The following SAMD8 variants were observed in gnomAD, a reference collection of about 807,000 sequenced individuals.
SAMD8 encodes sterile alpha motif domain containing 8.
SAMD8 carries 20 observed loss-of-function variants against 42.0 expected under a neutral mutation model. The ratio of observed to expected loss-of-function variants is 0.48; its 90% CI spans 0.34 to 0.69. SAMD8 has a LOEUF of 0.69. Among genes scored for constraint, SAMD8 ranks in the 30% least tolerant of loss-of-function variants. The probability of loss-of-function intolerance (pLI) is 0.01; values close to 1 mark genes in which losing one functional copy is unlikely to be tolerated. For missense variants in SAMD8, 328 were observed against 511.6 expected, an observed-to-expected ratio of 0.64 and a Z score of 3.46; for synonymous variants, 162 against 173.0, an observed-to-expected ratio of 0.94 and a Z score of 0.50.
At position 75,178,032 on chromosome 10, in the gene SAMD8, G is replaced by A. The variant is rs1044702889; in HGVS notation, c.*1340G>A. ...CATTCCATTTTAAAACAAAAACTTAGAAAAGGTGCTGGCATTCTGAGGCCT... is the reference window on the plus strand; with the variant it reads ...CATTCCATTTTAAAACAAAAACTTAAAAAAGGTGCTGGCATTCTGAGGCCT... On this transcript the variant is annotated 3_prime_UTR_variant, in exon 6 of 6. Transcript: ENST00000542569. 6.6e-6 allele frequency: 1 copy of A among 152,198 alleles called. No individual in the cohort carries two copies. The highest frequency in any genetic ancestry group is 1.5e-5 in the Non-Finnish European group (1 of 68,038). The allele number at this position is 152,198 out of a possible 1,614,324, so 9.4% of individuals were successfully genotyped here. A position where few individuals can be genotyped will look rare whatever the true frequency, so the allele number is the denominator to read the frequency against.
At chr10:75,117,788 A>G (rs745892115) in intron 1 of SAMD8, among the ~76,000 whole-genome samples, 5 of 152,258 alleles carry the variant, frequency 3.3e-5, no homozygotes, top group Non-Finnish European at 5.9e-5. Flanking sequence ...TAGAATAAAA[A>G]TTAGAATTTT....
upstream of SAMD8, chr10:75,109,034 A>C (rs1848694069): frequency 1.2e-6 from 2 of 1,610,998 alleles, no homozygotes; most frequent in African/African-American, 1.3e-5. Flanking sequence ...AGGTTGGGCC[A>C]AACTTCGTCC....
upstream of SAMD8, chr10:75,109,111 G>A (rs377547251): frequency 1.1e-5 from 17 of 1,611,548 alleles, no homozygotes; most frequent in Non-Finnish European, 1.2e-5. Context: ...GGGGCAAGGC[G>A]TGGCTTTGTC....
In SAMD8 at chr10:75,176,581, G is replaced by T. The variant is rs1414709366; in HGVS notation, c.1137G>T (p.Arg379Ser). ...TRAYQQSRRARIWFPMFSFFE... is the reference protein window; with the variant it reads ...TRAYQQSRRASIWFPMFSFFE... ...CATATCAGCAGAGTAGGAGAGCAAGGATTTGGTTTCCCATGTTCTCTTTTT... is the reference window on the plus strand; with the variant it reads ...CATATCAGCAGAGTAGGAGAGCAAGTATTTGGTTTCCCATGTTCTCTTTTT... The change falls in exon 6 of 6, where the codon AGG becomes AGT. Residue 379 changes from arginine (R) to serine (S), a missense_variant. Arg to Ser is a moderately radical substitution (Grantham distance 110). Around this residue, in one of 2 missense-constraint regions of SAMD8, gnomAD observed 178 missense variants for 325.6 expected, o/e 0.55. Transcript: ENST00000542569. The surrounding 1 kb of genome is among the most constrained non-coding windows in gnomAD (Gnocchi z 4.3). The T allele has an allele frequency of 6.4e-7, 1 of 1,550,564 alleles. No individual in the cohort carries two copies. Among genetic ancestry groups the T allele is most frequent in the Non-Finnish European group, 8.7e-7 (1 of 1,146,988 alleles).
chr10:75,164,628 A>G lies in SAMD8; in HGVS notation c.579-17A>G, dbSNP rs1840633383. On this transcript the variant is annotated splice_polypyrimidine_tract_variant and intron_variant, in intron 2 of 5. Coordinates refer to ENST00000542569, the MANE Select transcript of SAMD8 (RefSeq NM_001174156.2). ...ATGTATACTTCTTCAATTCAAAATC[A>G]TTTTTTTCTGTTCCAGCGTTCCTAG... is the stretch of plus-strand genomic sequence containing the variant. The G allele has an allele frequency of 1.9e-6, 3 of 1,611,302 alleles. No individual in the cohort carries two copies. The highest frequency in any genetic ancestry group is 2.5e-6 in the Non-Finnish European group (3 of 1,177,948).
chr10:75,140,439 T>G (rs1839986826), intron 1 of SAMD8, among the ~76,000 whole-genome samples: 1 of 152,200 alleles, frequency 6.6e-6, no homozygotes, highest in Non-Finnish European at 1.5e-5. Flanking sequence ...CCTAATGACC[T>G]ATGCTTTTGT....
intron 1 of SAMD8, among the ~76,000 whole-genome samples, chr10:75,102,848 A>G (rs932058767): frequency 6.6e-5 from 10 of 152,134 alleles, no homozygotes; most frequent in Admixed American, 1.3e-4. Context: ...GCTACTCGGG[A>G]GCCTGAGGCA....
intron 1 of SAMD8, among the ~76,000 whole-genome samples, chr10:75,135,134 A>C (rs1419893074): frequency 6.6e-6 from 1 of 152,130 alleles, no homozygotes; most frequent in Non-Finnish European, 1.5e-5. Flanking sequence ...TTATTTGATC[A>C]TCATACAGTG....
intron 1 of SAMD8, among the ~76,000 whole-genome samples, chr10:75,129,738 T>G (rs1385590338): frequency 6.6e-6 from 1 of 152,176 alleles, no homozygotes; most frequent in African/African-American, 2.4e-5. Context: ...CATGAATACA[T>G]ATGATTGGAG....
intron 1 of SAMD8, among the ~76,000 whole-genome samples, chr10:75,114,576 G>T (rs898925520): frequency 1.3e-4 from 20 of 152,098 alleles, no homozygotes; most frequent in African/African-American, 4.6e-4. Flanking sequence ...GCTTTTCTAA[G>T]AATTGAAATT....
Position 75,181,408 on chromosome 10 carries a change from G to C in SAMD8, c.*4716G>C, listed in dbSNP as rs1841078818. On this transcript the variant is annotated 3_prime_UTR_variant, in exon 6 of 6. Transcript: ENST00000542569. ...AATGACTAAAATTAGTATGAAACTA[G>C]GTTTTGGACCCCCTTCTCACCTCAC... The C allele has an allele frequency of 6.6e-6, 1 of 151,708 alleles. No homozygotes were observed. The highest frequency in any genetic ancestry group is 2.4e-5 in the African/African-American group (1 of 41,190). 9.4% of individuals were successfully genotyped at this position (151,708 alleles called of 1,614,324 possible). A position where few individuals can be genotyped will look rare whatever the true frequency, so the allele number is the denominator to read the frequency against.
intron 1 of SAMD8, among the ~76,000 whole-genome samples, chr10:75,134,487 T>C (rs181009262): frequency 8.6e-5 from 13 of 151,866 alleles, no homozygotes; most frequent in South Asian, 2.1e-4. Flanking sequence ...ATACAAAAAT[T>C]AGCTGAGCGT....
At chr10:75,135,230 A>C (rs369521440) in intron 1 of SAMD8, among the ~76,000 whole-genome samples, 46 of 152,016 alleles carry the variant, frequency 3.0e-4, no homozygotes, top group African/African-American at 1.0e-3. Flanking sequence ...AGGCGGGCTG[A>C]TCACCTGAGG....
intron 1 of SAMD8, among the ~76,000 whole-genome samples, chr10:75,112,044 T>C (rs1848783194): frequency 6.6e-6 from 1 of 152,054 alleles, no homozygotes; most frequent in Non-Finnish European, 1.5e-5. Context: ...TCGAAGGTCC[T>C]GCGGGAATGT....
chr10:75,156,250 A>C (rs1840407619), intron 2 of SAMD8, among the ~76,000 whole-genome samples: 1 of 145,150 alleles, frequency 6.9e-6, no homozygotes, highest in Non-Finnish European at 1.5e-5. Flanking sequence ...AATACATACC[A>C]TTCCTCACGA....
At chr10:75,122,970 A>G (rs1355338964) in intron 1 of SAMD8, among the ~76,000 whole-genome samples, 1 of 152,148 alleles carries the variant, frequency 6.6e-6, no homozygotes, top group Non-Finnish European at 1.5e-5. Flanking sequence ...TGGTCATGAT[A>G]TATAATTAAT....
chr10:75,144,027 G>A (rs1840079866), intron 1 of SAMD8, among the ~76,000 whole-genome samples: 1 of 151,050 alleles, frequency 6.6e-6, no homozygotes, highest in African/African-American at 2.4e-5. Context: ...AAGTGCAGTG[G>A]CACGATCTCG....
Position 75,143,828 on chromosome 10 carries a change from A to G in SAMD8, c.-15-6686A>G, listed in dbSNP as rs1485670082. Reference sequence around the variant, plus strand: ...CACCAAATTTGGAAAATTTTTGGCCATTGTTACTTCAAATATTTTTTCTGT... The same window carrying G: ...CACCAAATTTGGAAAATTTTTGGCCGTTGTTACTTCAAATATTTTTTCTGT... On this transcript the variant is annotated intron_variant, in intron 1 of 5. Transcript: ENST00000542569. Among the ~76,000 whole-genome samples, 7 of 152,046 alleles carry G rather than the reference A, an allele frequency of 4.6e-5. No individual in the cohort carries two copies. In the South Asian group the frequency reaches 6.2e-4, roughly 14 times the overall value.
upstream of SAMD8, among the ~76,000 whole-genome samples, chr10:75,110,075 C>T (rs1024184546): frequency 1.3e-5 from 2 of 152,192 alleles, no homozygotes; most frequent in Admixed American, 1.3e-4. Flanking sequence ...CCTCGGCCTC[C>T]CAAAGTACTG....
Sources: gnomAD v4.1 joint callset for allele counts (sites outside exome capture counted in the v4.1 genomes callset) on GRCh38, gnomAD v4.1.1 for gene constraint, gnomAD v4.1.1 regional missense constraint, Gnocchi (gnomAD v3.1) non-coding constraint, MANE v1.5 for transcripts, NCBI Gene and HGNC (gene_info 2026-07-23, HGNC 2026-07-21) for gene names.